Variants in PEX2 observed in about 807,000 individuals in gnomAD.
The protein encoded by PEX2 is peroxisome biogenesis factor 2.
Under a neutral mutation model 25.2 loss-of-function variants are expected in PEX2, and 19 were observed. The observed-to-expected ratio is 0.75, with a 90% confidence interval of 0.53 to 1.10. The LOEUF (loss-of-function observed/expected upper bound fraction) is 1.10. Among genes scored for constraint, PEX2 ranks in the 50% least tolerant of loss-of-function variants. The probability of loss-of-function intolerance (pLI) is 0.00; values close to 1 mark genes in which losing one functional copy is unlikely to be tolerated. For missense variants in PEX2, 347 were observed against 350.6 expected, an observed-to-expected ratio of 0.99 and a Z score of 0.08; for synonymous variants, 141 against 127.7, an observed-to-expected ratio of 1.10 and a Z score of -0.70.
At position 76,991,844 on chromosome 8, in the gene PEX2, G is replaced by A. The variant is rs28613097; in HGVS notation, c.-159-3506C>T. Among the ~76,000 whole-genome samples, 745 of 152,258 alleles carry A rather than the reference G, an allele frequency of 4.9e-3. 7 individuals are homozygous for A. Among genetic ancestry groups the A allele is most frequent in the African/African-American group, 0.016 (677 of 41,558 alleles). On this transcript the variant is annotated intron_variant, in intron 1 of 3. Coordinates refer to ENST00000357039, the MANE Select transcript of PEX2 (RefSeq NM_000318.3). ...TTGAGATTAAACCAGATAATGTTAC[G>A]AAAGTGGTTTAGAAGCCATAAAGCA...
At chr8:76,986,807 T>C (rs1807015798) in intron 2 of PEX2, among the ~76,000 whole-genome samples, 1 of 152,204 alleles carries the variant, frequency 6.6e-6, no homozygotes, top group South Asian at 2.1e-4. Flanking sequence ...TTGGCCTCTA[T>C]GTACTGTACA....
chr8:76,998,417 A>C (rs1449981529), intron 1 of PEX2, among the ~76,000 whole-genome samples: 4 of 152,246 alleles, frequency 2.6e-5, no homozygotes, highest in African/African-American at 4.8e-5. Context: ...AGGAATAATA[A>C]ATTCTAATTC....
intron 3 of PEX2, among the ~76,000 whole-genome samples, chr8:76,984,477 T>C (rs1326411820): frequency 2.0e-5 from 3 of 152,206 alleles, no homozygotes; most frequent in African/African-American, 7.2e-5. Flanking sequence ...AACAAAACTG[T>C]ACCCTCTTTC....
At chr8:76,999,945 C>T (rs1332313788) in intron 1 of PEX2, 45 bp downstream of exon 1, 1 of 456,610 alleles carries the variant, frequency 2.2e-6, no homozygotes, top group South Asian at 1.5e-5. Context: ...CAGCTGAAAA[C>T]AAGACCTCGG....
chr8:76,996,739 G>C (rs1344180704), intron 1 of PEX2, among the ~76,000 whole-genome samples: 1 of 152,164 alleles, frequency 6.6e-6, no homozygotes, highest in East Asian at 1.9e-4. Flanking sequence ...CAATGGAATA[G>C]GAGGAACTAC....
Position 76,983,130 on chromosome 8 carries a change from C to T in PEX2, c.*131G>A. On this transcript the variant is annotated 3_prime_UTR_variant, in exon 4 of 4. Transcript: ENST00000357039. ...TTCCAGTGATTAGATTTCAGTCATG[C>T]CTGGAAAGGAGAAGACAGTGGCTAG... 1 of 1,551,366 alleles carries T rather than the reference C, an allele frequency of 6.4e-7. No homozygotes were observed. The highest frequency in any genetic ancestry group is 1.8e-5 in the Admixed American group (1 of 54,338).
chr8:77,001,029 C>T (rs1272024730), upstream of PEX2: 1 of 152,140 alleles, frequency 6.6e-6, no homozygotes, highest in Non-Finnish European at 1.5e-5. Flanking sequence ...TTAAGAACGT[C>T]TTAGTTCTTA....
intron 1 of PEX2, among the ~76,000 whole-genome samples, chr8:76,992,758 C>A (rs964538621): frequency 6.6e-6 from 1 of 152,180 alleles, no homozygotes; most frequent in African/African-American, 2.4e-5. Context: ...ACAAGGCATT[C>A]TCCTAGGTAC....
At chr8:76,996,414 A>G (rs191140845) in intron 1 of PEX2, among the ~76,000 whole-genome samples, 1 of 152,160 alleles carries the variant, frequency 6.6e-6, no homozygotes, top group African/African-American at 2.4e-5. Flanking sequence ...GCGGTAATGG[A>G]CCCAAAAGTT....
rs1205358016 is a variant in PEX2 at position 76,980,777 on chromosome 8, CACT to C, written c.*2481_*2483del. 2.0e-5 allele frequency: 3 copies of C among 152,194 alleles called. No homozygotes were observed. The highest frequency in any genetic ancestry group is 4.8e-5 in the African/African-American group (2 of 41,442). The allele number at this position is 152,194 out of a possible 1,614,324, so 9.4% of individuals were successfully genotyped here. A position where few individuals can be genotyped will look rare whatever the true frequency, so the allele number is the denominator to read the frequency against. ...TAATACTGACAACAGCAAAGGAAAG[CACT>C]ACTATTATATTCTATTTACTATGTG... is the stretch of plus-strand genomic sequence containing the variant. On this transcript the variant is annotated 3_prime_UTR_variant, in exon 4 of 4. Transcript: ENST00000357039.
At chr8:76,990,590 A>C (rs956821089) in intron 1 of PEX2, among the ~76,000 whole-genome samples, 1 of 152,144 alleles carries the variant, frequency 6.6e-6, no homozygotes, top group African/African-American at 2.4e-5. Flanking sequence ...TAATTGGCCT[A>C]ATTTCAACAT....
rs1806776371 is a variant in PEX2 at position 76,980,282 on chromosome 8, T to C, written c.*2979A>G. The C allele has an allele frequency of 6.6e-6, 1 of 152,232 alleles. No homozygotes were observed. The highest frequency in any genetic ancestry group is 6.5e-5 in the Admixed American group (1 of 15,292). 9.4% of individuals were successfully genotyped at this position (152,232 alleles called of 1,614,324 possible). On this transcript the variant is annotated 3_prime_UTR_variant, in exon 4 of 4. Coordinates refer to ENST00000357039, the MANE Select transcript of PEX2 (RefSeq NM_000318.3). ...GTTGATATAACAATTTTGTTGACTT[T>C]ATTTAATCCTTTCAAATCTGCAATG...
At position 76,983,457 on chromosome 8, in the gene PEX2, C is replaced by A. The variant is rs150734057; in HGVS notation, c.722G>T (p.Gly241Val). The A allele has an allele frequency of 1.0e-4, 166 of 1,614,070 alleles. No homozygotes were observed. The African/African-American group carries it at 1.8e-3, about 17-fold the overall frequency. The change falls in exon 4 of 4, where the codon GGC becomes GTC. Residue 241 changes from glycine to valine, a missense_variant. Transcript: ENST00000357039. ...CTCTCCACATAGAGCGCATTCTTTG[C>A]CACTGGTGGCTAATGTATTGTCACT... ...PNSDNTLATSGKECALCGEWP... is the reference protein window; with the variant it reads ...PNSDNTLATSVKECALCGEWP...
Position 76,983,087 on chromosome 8 carries a change from T to C in PEX2, c.*174A>G. On this transcript the variant is annotated 3_prime_UTR_variant, in exon 4 of 4. Transcript: ENST00000357039. Reference sequence around the variant, plus strand: ...ATAATACATTAACATTTACATAATATATTTAGAATCACATGGTTTCCAGTG... The same window carrying C: ...ATAATACATTAACATTTACATAATACATTTAGAATCACATGGTTTCCAGTG... The C allele has an allele frequency of 7.0e-7, 1 of 1,426,568 alleles. No individual in the cohort carries two copies. Among genetic ancestry groups the C allele is most frequent in the Non-Finnish European group, 9.2e-7 (1 of 1,084,798 alleles). 88.4% of individuals were successfully genotyped at this position (1,426,568 alleles called of 1,614,324 possible).
At chr8:76,990,238 G>C (rs1201665330) in intron 1 of PEX2, among the ~76,000 whole-genome samples, 1 of 152,056 alleles carries the variant, frequency 6.6e-6, no homozygotes, top group Non-Finnish European at 1.5e-5. Context: ...AACTTGCTCT[G>C]GATTAGGCTT....
chr8:76,989,087 G>T (rs1047816591), intron 1 of PEX2, among the ~76,000 whole-genome samples: 4 of 151,728 alleles, frequency 2.6e-5, no homozygotes, highest in African/African-American at 9.7e-5. Flanking sequence ...GCTGACGCAG[G>T]AGAGTTGCTT....
chr8:76,989,441 G>A (rs1457731376), intron 1 of PEX2, among the ~76,000 whole-genome samples: 1 of 152,052 alleles, frequency 6.6e-6, no homozygotes, highest in South Asian at 2.1e-4. Context: ...ACACAGAATG[G>A]CGAATCTTTT....
In PEX2 at chr8:76,981,122, T is replaced by C. The variant is rs970388608; in HGVS notation, c.*2139A>G. Reference sequence around the variant, plus strand: ...TGAAAAGAACCTAAATGCTCTATGATGGTGGTTAAATAATAATAGGAATAG... The same window carrying C: ...TGAAAAGAACCTAAATGCTCTATGACGGTGGTTAAATAATAATAGGAATAG... On this transcript the variant is annotated 3_prime_UTR_variant, in exon 4 of 4. Transcript: ENST00000357039. 2 of 152,178 alleles carry C rather than the reference T, an allele frequency of 1.3e-5. No individual in the cohort carries two copies. Among genetic ancestry groups the C allele is most frequent in the African/African-American group, 4.8e-5 (2 of 41,440 alleles). The allele number at this position is 152,178 out of a possible 1,614,324, so 9.4% of individuals were successfully genotyped here. A position where few individuals can be genotyped will look rare whatever the true frequency, so the allele number is the denominator to read the frequency against.
intron 1 of PEX2, among the ~76,000 whole-genome samples, chr8:76,999,569 T>G (rs967655987): frequency 6.6e-6 from 1 of 152,320 alleles, no homozygotes; most frequent in Admixed American, 6.5e-5. Flanking sequence ...GCACTCAAAT[T>G]TTTTGTACTA....
Sources: allele counts gnomAD v4.1 joint callset (sites outside exome capture counted in the v4.1 genomes callset), GRCh38; gene constraint gnomAD v4.1.1; transcripts MANE v1.5; gene names NCBI Gene and HGNC (gene_info 2026-07-23, HGNC 2026-07-21).